SLC8A1: variants seen among roughly 807,000 people sequenced by gnomAD.
SLC8A1 encodes the protein solute carrier family 8 member A1, also known as sodium/calcium exchanger 1.
Under a neutral mutation model 68.3 loss-of-function variants are expected in SLC8A1, and 18 were observed. The ratio of observed to expected loss-of-function variants is 0.26; its 90% CI spans 0.18 to 0.39. The LOEUF (loss-of-function observed/expected upper bound fraction) is 0.39. Among genes scored for constraint, SLC8A1 ranks in the 10% least tolerant of loss-of-function variants. The pLI, the probability that SLC8A1 is intolerant of heterozygous loss-of-function variation, is 1.00. For missense variants in SLC8A1, 985 were observed against 1,156.7 expected (o/e 0.85, Z 2.15); for synonymous variants, 475 against 415.5 (o/e 1.14, Z -1.74).
intron 4 of SLC8A1, 52 bp downstream of exon 7, chr2:40,170,229 T>C: frequency 6.6e-7 from 1 of 1,520,148 alleles, no homozygotes; most frequent in Non-Finnish European, 9.1e-7. Context: ...GTCTCTAACA[T>C]TAAAGAACTC....
At chr2:40,212,916 G>A (rs2056864856) in intron 2 of SLC8A1, among the ~76,000 whole-genome samples, 2 of 152,094 alleles carry the variant, frequency 1.3e-5, no homozygotes, top group African/African-American at 4.8e-5. Flanking sequence ...TGTGTAGGGG[G>A]GTTGGGCAAG....
chr2:40,325,386 A>C (rs976909954), intron 2 of SLC8A1, among the ~76,000 whole-genome samples: 3 of 152,196 alleles, frequency 2.0e-5, no homozygotes, highest in African/African-American at 7.2e-5. Context: ...TTTCCCTTGC[A>C]AACCAGTGGA....
At chr2:40,488,549 A>T (rs1283240302) in intron 1 of SLC8A1, among the ~76,000 whole-genome samples, 1 of 152,026 alleles carries the variant, frequency 6.6e-6, no homozygotes, top group East Asian at 1.9e-4. Flanking sequence ...GTTAAAAGGG[A>T]AGTCTCATAT....
intron 6 of SLC8A1, among the ~76,000 whole-genome samples, chr2:40,160,313 G>A (rs762762747): frequency 5.9e-5 from 9 of 152,176 alleles, no homozygotes; most frequent in South Asian, 4.1e-4. Context: ...GTGCAAACAC[G>A]TATTTGTTGC....
intron 1 of SLC8A1, among the ~76,000 whole-genome samples, chr2:40,489,406 A>G (rs186686397): frequency 2.3e-4 from 35 of 152,236 alleles, no homozygotes; most frequent in Admixed American, 7.2e-4. Context: ...TAGACTCCAC[A>G]CAAAGCAGGG....
intron 6 of SLC8A1, among the ~76,000 whole-genome samples, chr2:40,147,218 G>T (rs1313812721): frequency 2.8e-5 from 4 of 143,950 alleles, no homozygotes; most frequent in Non-Finnish European, 4.6e-5. Flanking sequence ...GATGGCTTTA[G>T]TGTCTCTTGT....
At chr2:40,286,508 C>T (rs1284291714) in intron 2 of SLC8A1, among the ~76,000 whole-genome samples, 3 of 152,134 alleles carry the variant, frequency 2.0e-5, no homozygotes, top group African/African-American at 2.4e-5. Context: ...CAGTGAACTC[C>T]GTGGATCAGC....
intron 2 of SLC8A1, among the ~76,000 whole-genome samples, chr2:40,344,222 T>G (rs1185373555): frequency 6.6e-6 from 1 of 152,166 alleles, no homozygotes; most frequent in Non-Finnish European, 1.5e-5. Flanking sequence ...CAGCAAAGTA[T>G]CTAAGTTAAC....
chr2:40,170,004 T>C (rs2047188346), intron 4 of SLC8A1, among the ~76,000 whole-genome samples: 1 of 152,136 alleles, frequency 6.6e-6, no homozygotes. Context: ...AGAAGAAATA[T>C]TTCCAAGAAA....
At chr2:40,290,565 T>A (rs972615665) in intron 2 of SLC8A1, among the ~76,000 whole-genome samples, 7 of 152,290 alleles carry the variant, frequency 4.6e-5, no homozygotes, top group Admixed American at 2.6e-4. Flanking sequence ...TAACTATCCA[T>A]AAGTCCATGT....
At chr2:40,359,720 A>T (rs1673950839) in intron 2 of SLC8A1, among the ~76,000 whole-genome samples, 1 of 152,144 alleles carries the variant, frequency 6.6e-6, no homozygotes, top group Non-Finnish European at 1.5e-5. Flanking sequence ...TTGGGAAAAC[A>T]AAGATACAGA....
chr2:40,168,115 C>T (rs760591103), intron 4 of SLC8A1, among the ~76,000 whole-genome samples: 1 of 152,170 alleles, frequency 6.6e-6, no homozygotes, highest in East Asian at 1.9e-4. Flanking sequence ...ACTTCCTCCT[C>T]TACTTTCCAG....
At chr2:40,436,339 G>A (rs983301416) in intron 1 of SLC8A1, among the ~76,000 whole-genome samples, 40 of 152,112 alleles carry the variant, frequency 2.6e-4, no homozygotes, top group Non-Finnish European at 2.9e-4. Flanking sequence ...CTAAGCATTT[G>A]CAGTTAAAAA....
At chr2:40,416,711 G>A (rs755884729) in intron 2 of SLC8A1, among the ~76,000 whole-genome samples, 2 of 152,040 alleles carry the variant, frequency 1.3e-5, no homozygotes, top group African/African-American at 2.4e-5. Context: ...GTAGCCTAAT[G>A]AGCCAAGTTG....
exon 2 of SLC8A1, chr2:40,429,966 G>A: frequency 6.2e-7 from 1 of 1,613,624 alleles, no homozygotes; most frequent in Non-Finnish European, 8.5e-7. Flanking sequence ...GAGATGTGAT[G>A]ACTTCTATAG....
intron 1 of SLC8A1, among the ~76,000 whole-genome samples, chr2:40,431,851 C>G (rs868661791): frequency 1.3e-5 from 2 of 152,058 alleles, no homozygotes; most frequent in South Asian, 2.1e-4. Flanking sequence ...AGGAGAACAC[C>G]GCTGCCTAGG....
intron 2 of SLC8A1, among the ~76,000 whole-genome samples, chr2:40,403,924 A>G (rs912291855): frequency 6.6e-6 from 1 of 152,230 alleles, no homozygotes; most frequent in African/African-American, 2.4e-5. Flanking sequence ...TTTTCTGAAT[A>G]TTAGTTGTCA....
At chr2:40,380,792 C>T (rs1462209791) in intron 2 of SLC8A1, among the ~76,000 whole-genome samples, 18 of 152,094 alleles carry the variant, frequency 1.2e-4, no homozygotes, top group Admixed American at 1.2e-3. Context: ...ACTTACTAAC[C>T]TGGCTACAGC....
intron 2 of SLC8A1, among the ~76,000 whole-genome samples, chr2:40,276,418 CA>C (rs1424061343): frequency 6.6e-6 from 1 of 152,166 alleles, no homozygotes; most frequent in Non-Finnish European, 1.5e-5. Context: ...AAGCAAGCCC[CA>C]AAGGGTGTTA....
Sources: allele counts gnomAD v4.1 joint callset (sites outside exome capture counted in the v4.1 genomes callset), GRCh38; gene constraint gnomAD v4.1.1; transcripts MANE v1.5; gene names NCBI Gene and HGNC (gene_info 2026-07-23, HGNC 2026-07-21).